The following ACVR1 variants were observed in gnomAD, a reference collection of about 807,000 sequenced individuals.
The protein encoded by ACVR1 is activin receptor type-1.
A neutral mutation model predicts 57.1 loss-of-function variants in ACVR1; 38 were observed. That is an observed-to-expected ratio of 0.67 (90% CI 0.51 to 0.87). The LOEUF is 0.87. Among genes scored for constraint, ACVR1 ranks in the 40% least tolerant of loss-of-function variants. The pLI is 0.00. For synonymous variants in ACVR1, 212 were observed against 228.1 expected (o/e 0.93, Z 0.63); for missense variants, 463 against 638.2 (o/e 0.73, Z 2.96).
chr2:157,820,030 G>C (rs1410361161), intron 1 of ACVR1, among the ~76,000 whole-genome samples: 2 of 151,922 alleles, frequency 1.3e-5, no homozygotes, highest in Non-Finnish European at 2.9e-5. Flanking sequence ...ATAATTATGG[G>C]GAAAAATCTT....
At chr2:157,752,092 C>A (rs1362900452) in intron 9 of ACVR1, among the ~76,000 whole-genome samples, 1 of 152,208 alleles carries the variant, frequency 6.6e-6, no homozygotes, top group Non-Finnish European at 1.5e-5. Context: ...GTGCCGGTAT[C>A]CATGGCTGAG....
Position 157,784,611 on chromosome 2 carries a change from G to A in ACVR1, c.68-4011C>T, listed in dbSNP as rs62175460. Among the ~76,000 whole-genome samples the A allele has an allele frequency of 4.3e-3, 653 of 152,364 alleles. 8 individuals carry two copies. The highest frequency in any genetic ancestry group is 0.01 in the Middle Eastern group (3 of 294). The stretch of plus-strand genomic sequence containing the variant: ...CCTTTGTATCACCAGAGCCAGAGCC[G>A]TGTGAAAACACTCGCAGCCTGGGCT... On this transcript the variant is annotated intron_variant, in intron 3 of 10. Coordinates refer to ENST00000434821, the MANE Select transcript of ACVR1 (RefSeq NM_001111067.4).
chr2:157,772,704 T>A (rs1444556833), intron 6 of ACVR1, among the ~76,000 whole-genome samples: 1 of 152,204 alleles, frequency 6.6e-6, no homozygotes, highest in Non-Finnish European at 1.5e-5. Flanking sequence ...ATCCAGATAA[T>A]CTTGTTCATA....
At chr2:157,842,263 G>T (rs1689007256) in intron 1 of ACVR1, among the ~76,000 whole-genome samples, 1 of 152,132 alleles carries the variant, frequency 6.6e-6, no homozygotes, top group East Asian at 1.9e-4. Context: ...CATGTGGATG[G>T]ATCTCTCTTC....
Position 157,766,067 on chromosome 2 carries a change from C to T in ACVR1, c.920G>A (p.Arg307Gln), listed in dbSNP as rs766547414. 1.6e-5 allele frequency: 26 copies of T among 1,613,904 alleles called. 1 individual carries two copies. Among genetic ancestry groups the T allele is most frequent in the Middle Eastern group, 1.6e-4 (1 of 6,084 alleles). The change falls in exon 8 of 11, where the codon CGA becomes CAA. Residue 307 changes from arginine (R) to glutamine (Q), a missense_variant. Physicochemically the swap from Arg to Gln is conservative, Grantham distance 43. Around this residue, in one of 3 missense-constraint regions of ACVR1, gnomAD observed 114 missense variants for 216.2 expected, o/e 0.53. Transcript: ENST00000434821. ...LTTLDTVSCL[R>Q]IVLSIASGLA... ...ACCACTAGCTATGGACAGCACTATTCGAAGGCAGCTAACTGTATCCAGAGT... is the reference window on the plus strand; with the variant it reads ...ACCACTAGCTATGGACAGCACTATTTGAAGGCAGCTAACTGTATCCAGAGT...
Position 157,753,779 on chromosome 2 carries a change from C to T in ACVR1, c.1264+7101G>A, listed in dbSNP as rs1685305487. Among the ~76,000 whole-genome samples the T allele has an allele frequency of 2.6e-5, 4 of 152,146 alleles. No homozygotes were observed. In the South Asian group the frequency reaches 8.3e-4, roughly 31 times the overall value. ...ATGGACTTAACAGATATTTACAGAA[C>T]ATTCTACTGAACAACCACAGAATAT... On this transcript the variant is annotated intron_variant, in intron 9 of 10. Coordinates refer to ENST00000434821, the MANE Select transcript of ACVR1 (RefSeq NM_001111067.4).
chr2:157,772,231 C>T (rs1020875618), intron 6 of ACVR1, among the ~76,000 whole-genome samples: 7 of 152,180 alleles, frequency 4.6e-5, no homozygotes, highest in Non-Finnish European at 7.3e-5. Flanking sequence ...AAAAGCAGAG[C>T]TGCCCAAAAG....
chr2:157,848,160 T>C (rs760155223), intron 1 of ACVR1, among the ~76,000 whole-genome samples: 3 of 152,204 alleles, frequency 2.0e-5, no homozygotes, highest in Non-Finnish European at 4.4e-5. Flanking sequence ...CCAAATTCTT[T>C]GGCTCTCTTC....
chr2:157,766,362 A>G (rs1223833471), intron 7 of ACVR1, among the ~76,000 whole-genome samples, 166 bp from the exon 8 acceptor site: 1 of 152,248 alleles, frequency 6.6e-6, no homozygotes, highest in Non-Finnish European at 1.5e-5. Context: ...GAGAAAAATA[A>G]TAGCATTTAT....
intron 1 of ACVR1, among the ~76,000 whole-genome samples, chr2:157,834,551 C>G (rs1416256934): frequency 6.6e-6 from 1 of 152,016 alleles, no homozygotes; most frequent in Admixed American, 6.5e-5. Context: ...CATCAGACAG[C>G]AAGAATAGAG....
At chr2:157,837,307 G>A (rs940138540) in intron 1 of ACVR1, among the ~76,000 whole-genome samples, 1 of 152,112 alleles carries the variant, frequency 6.6e-6, no homozygotes, top group African/African-American at 2.4e-5. Flanking sequence ...GGATTTACCT[G>A]ACCATGAGGC....
intron 9 of ACVR1, among the ~76,000 whole-genome samples, chr2:157,747,747 T>C (rs1008476162): frequency 2.0e-5 from 3 of 152,238 alleles, no homozygotes; most frequent in African/African-American, 7.2e-5. Flanking sequence ...ATAAACTGAT[T>C]TGTGTGTGGG....
chr2:157,814,272 A>G (rs962122926), intron 2 of ACVR1, among the ~76,000 whole-genome samples: 1 of 152,272 alleles, frequency 6.6e-6, no homozygotes, highest in African/African-American at 2.4e-5. Flanking sequence ...TTTTGATGTC[A>G]TATTTTGATA....
chr2:157,783,949 G>A (rs917736261), intron 3 of ACVR1, among the ~76,000 whole-genome samples: 2 of 152,158 alleles, frequency 1.3e-5, no homozygotes, highest in Admixed American at 6.5e-5. Context: ...ACTCACATTC[G>A]CTACGTGCCA....
intron 1 of ACVR1, among the ~76,000 whole-genome samples, chr2:157,873,752 T>C (rs566378812): frequency 2.0e-5 from 3 of 152,328 alleles, no homozygotes; most frequent in East Asian, 3.9e-4. Flanking sequence ...GATAGAGGCA[T>C]AACCTCTATC....
intron 1 of ACVR1, among the ~76,000 whole-genome samples, chr2:157,834,700 A>G (rs558254617): frequency 4.6e-5 from 7 of 152,306 alleles, no homozygotes; most frequent in East Asian, 1.9e-4. Context: ...GACTATATCT[A>G]TTCAATCCAT....
At chr2:157,766,275 A>G in intron 7 of ACVR1, 79 bp from the exon 8 acceptor site, 4 of 1,424,770 alleles carry the variant, frequency 2.8e-6, no homozygotes, top group Non-Finnish European at 3.9e-6. Context: ...AGCGACCTAC[A>G]CAGTAAATGT....
chr2:157,748,202 C>T (rs1000678518), intron 9 of ACVR1, among the ~76,000 whole-genome samples: 11 of 152,124 alleles, frequency 7.2e-5, no homozygotes, highest in African/African-American at 1.7e-4. Context: ...ACACAGGGAA[C>T]GGGTTTGCAA....
At chr2:157,861,387 TC>T (rs1300346134) in intron 1 of ACVR1, among the ~76,000 whole-genome samples, 1 of 152,198 alleles carries the variant, frequency 6.6e-6, no homozygotes, top group Non-Finnish European at 1.5e-5. Flanking sequence ...TTATGCAACA[TC>T]AAGTCTGTCA....
Sources: gnomAD v4.1 joint callset for allele counts (sites outside exome capture counted in the v4.1 genomes callset) on GRCh38, gnomAD v4.1.1 for gene constraint, gnomAD v4.1.1 regional missense constraint, MANE v1.5 for transcripts, NCBI Gene and HGNC (gene_info 2026-07-23, HGNC 2026-07-21) for gene names.